The following SLC27A2 variants were observed in gnomAD, a reference collection of about 807,000 sequenced individuals.
SLC27A2 encodes the protein long-chain fatty acid transport protein 2.
A neutral mutation model predicts 60.0 loss-of-function variants in SLC27A2; 54 were observed. The observed-to-expected ratio is 0.90, with a 90% CI of 0.72 to 1.13. SLC27A2 has a LOEUF of 1.13. SLC27A2 is among the 50% of genes most tolerant of loss of function. The pLI, the probability that SLC27A2 is intolerant of heterozygous loss-of-function variation, is 0.00. For missense variants in SLC27A2, 739 were observed against 777.6 expected (o/e 0.95, Z 0.59); for synonymous variants, 297 against 297.6 (o/e 1.00, Z 0.02).
intron 4 of SLC27A2, among the ~76,000 whole-genome samples, chr15:50,220,214 T>G (rs1395519484): frequency 6.6e-6 from 1 of 152,210 alleles, no homozygotes; most frequent in Admixed American, 6.5e-5. Context: ...CCTGTGAGGC[T>G]GGTCAGCTTC....
chr15:50,192,252 T>G lies in SLC27A2; in HGVS notation c.479-5248T>G, dbSNP rs537107745. Among the ~76,000 whole-genome samples, 11 of 152,306 alleles carry G rather than the reference T, an allele frequency of 7.2e-5. No homozygotes were observed. The South Asian group carries it at 2.3e-3, about 32-fold the overall frequency. On this transcript the variant is annotated intron_variant, in intron 1 of 9. Transcript: ENST00000267842. Reference sequence around the variant, plus strand: ...CTTCCATAGTGTGTCCAGATATGGTTGGCAAGCCGCTGGAAACTCAAGTCT... The same window carrying G: ...CTTCCATAGTGTGTCCAGATATGGTGGGCAAGCCGCTGGAAACTCAAGTCT...
intron 1 of SLC27A2, among the ~76,000 whole-genome samples, chr15:50,186,010 G>A (rs1290676733): frequency 1.3e-5 from 2 of 151,952 alleles, no homozygotes; most frequent in African/African-American, 4.8e-5. Flanking sequence ...AGTGGAGGAG[G>A]GAGGATCACT....
At chr15:50,235,847 C>G (rs1373856541) in intron 9 of SLC27A2, 73 bp from the exon 10 acceptor site, 1 of 1,213,760 alleles carries the variant, frequency 8.2e-7, no homozygotes, top group African/African-American at 1.5e-5. Flanking sequence ...CCATGCCCCA[C>G]CCCTACCCCT....
chr15:50,210,600 A>G (rs980126732), intron 4 of SLC27A2, among the ~76,000 whole-genome samples: 1 of 152,182 alleles, frequency 6.6e-6, no homozygotes, highest in African/African-American at 2.4e-5. Context: ...TTCTCTAGCT[A>G]AACTTTGGGA....
intron 8 of SLC27A2, 120 bp downstream of exon 8, chr15:50,229,162 C>A: frequency 1.5e-6 from 1 of 659,756 alleles, no homozygotes; most frequent in Non-Finnish European, 2.7e-6. Flanking sequence ...CTTTCAGCTG[C>A]CAGGGAGTAA....
Position 50,202,478 on chromosome 15 carries a change from T to C in SLC27A2, c.689-9T>C, listed in dbSNP as rs764982117. 4.3e-6 allele frequency: 7 copies of C among 1,614,074 alleles called. No homozygotes were observed. The highest frequency in any genetic ancestry group is 5.9e-6 in the Non-Finnish European group (7 of 1,179,916). On this transcript the variant is annotated splice_polypyrimidine_tract_variant and intron_variant, in intron 2 of 9. Coordinates refer to ENST00000267842, the MANE Select transcript of SLC27A2 (RefSeq NM_003645.4). The stretch of plus-strand genomic sequence containing the variant: ...GTTAACTCATGCCTTCTCTTGTATA[T>C]TTACAAAGGTCTTCCAAAAGCAGCC...
At chr15:50,221,507 C>T (rs2045241694) in intron 4 of SLC27A2, among the ~76,000 whole-genome samples, 2 of 152,184 alleles carry the variant, frequency 1.3e-5, no homozygotes, top group South Asian at 2.1e-4. Flanking sequence ...TTAGCTCCTC[C>T]TGCATGGAAA....
At chr15:50,234,107 G>C (rs548030634) in intron 9 of SLC27A2, 109 bp downstream of exon 9, 1 of 1,064,300 alleles carries the variant, frequency 9.4e-7, no homozygotes, top group Admixed American at 2.4e-5. Flanking sequence ...AGTTTTCACC[G>C]CACTTTCCAG....
At chr15:50,216,610 G>GTGTGTGTGTGTGTGTGTATATA (rs1323910367) in intron 4 of SLC27A2, among the ~76,000 whole-genome samples, 52 of 66,426 alleles carry the variant, frequency 7.8e-4, no homozygotes, top group Non-Finnish European at 1.3e-3. Context: ...GTGTGTGTGT[G>GTGTGTGTGTGTGTGTGTATATA]TATATATATA....
intron 1 of SLC27A2, among the ~76,000 whole-genome samples, chr15:50,186,408 C>T (rs2044922826): frequency 6.9e-6 from 1 of 145,574 alleles, no homozygotes; most frequent in Non-Finnish European, 1.5e-5. Context: ...AGTCTAGTTT[C>T]CCATTGTTTT....
intron 4 of SLC27A2, among the ~76,000 whole-genome samples, chr15:50,220,511 G>A (rs1180154707): frequency 6.6e-6 from 1 of 152,208 alleles, no homozygotes; most frequent in Non-Finnish European, 1.5e-5. Flanking sequence ...GGCTGCATGT[G>A]GGATAAGTAA....
chr15:50,208,905 C>T (rs1393421833), intron 4 of SLC27A2, among the ~76,000 whole-genome samples: 1 of 152,098 alleles, frequency 6.6e-6, no homozygotes, highest in African/African-American at 2.4e-5. Context: ...TTGTAGTTGC[C>T]TAAAAACAAT....
chr15:50,193,670 A>G (rs1421947081), intron 1 of SLC27A2, among the ~76,000 whole-genome samples: 1 of 152,168 alleles, frequency 6.6e-6, no homozygotes, highest in Non-Finnish European at 1.5e-5. Context: ...AGGTTTATCA[A>G]CTGCCAGATC....
intron 2 of SLC27A2, among the ~76,000 whole-genome samples, chr15:50,199,638 T>G (rs1306117308): frequency 2.0e-5 from 3 of 152,068 alleles, no homozygotes; most frequent in African/African-American, 2.4e-5. Flanking sequence ...CTGAATCAAA[T>G]ATTTGCTAGG....
At chr15:50,219,561 T>C (rs1567435523) in intron 4 of SLC27A2, among the ~76,000 whole-genome samples, 1 of 152,190 alleles carries the variant, frequency 6.6e-6, no homozygotes, top group South Asian at 2.1e-4. Flanking sequence ...TGAAGCCACA[T>C]TGATTCAGAT....
chr15:50,236,119 A>G lies in SLC27A2; in HGVS notation c.*23A>G. The G allele has an allele frequency of 1.3e-6, 2 of 1,523,310 alleles. No individual in the cohort carries two copies. The highest frequency in any genetic ancestry group is 8.9e-7 in the Non-Finnish European group (1 of 1,126,046). The allele number at this position is 1,523,310 out of a possible 1,614,324, so 94.4% of individuals were successfully genotyped here. ...TGAATATTCCCAGGAGGATAACTCAACATTTCCAGAAAGAAACTGAATGGA... is the reference window on the plus strand; with the variant it reads ...TGAATATTCCCAGGAGGATAACTCAGCATTTCCAGAAAGAAACTGAATGGA... On this transcript the variant is annotated 3_prime_UTR_variant, in exon 10 of 10. Transcript: ENST00000267842.
chr15:50,182,236 CCT>C lies in SLC27A2; in HGVS notation c.-191_-190del. 8.7e-6 allele frequency: 8 copies of C among 915,624 alleles called. No homozygotes were observed. The highest frequency in any genetic ancestry group is 1.7e-5 in the African/African-American group (1 of 57,146). 56.7% of individuals were successfully genotyped at this position (915,624 alleles called of 1,614,324 possible). A position where few individuals can be genotyped will look rare whatever the true frequency, so the allele number is the denominator to read the frequency against. On this transcript the variant is annotated 5_prime_UTR_variant, in exon 1 of 10. Coordinates refer to ENST00000267842, the MANE Select transcript of SLC27A2 (RefSeq NM_003645.4). ...CCCCGGCAACGCGCATACGACTACACCTGCTCCGGAGCCCGCGGCGGTACCTG... is the reference window on the plus strand; with the variant it reads ...CCCCGGCAACGCGCATACGACTACACGCTCCGGAGCCCGCGGCGGTACCTG...
At chr15:50,190,097 G>GTC (rs1265185607) in intron 1 of SLC27A2, among the ~76,000 whole-genome samples, 2 of 152,108 alleles carry the variant, frequency 1.3e-5, no homozygotes, top group Non-Finnish European at 2.9e-5. Flanking sequence ...GCACATGCAT[G>GTC]TCTCTCTCTC....
intron 1 of SLC27A2, among the ~76,000 whole-genome samples, chr15:50,192,854 T>C (rs2044985783): frequency 6.7e-6 from 1 of 149,468 alleles, no homozygotes; most frequent in Non-Finnish European, 1.5e-5. Context: ...CATTTTCCCC[T>C]CATTAAGATG....
Sources: gnomAD v4.1 joint callset for allele counts (sites outside exome capture counted in the v4.1 genomes callset) on GRCh38, gnomAD v4.1.1 for gene constraint, MANE v1.5 for transcripts, NCBI Gene and HGNC (gene_info 2026-07-23, HGNC 2026-07-21) for gene names.